CDH3: variants seen among roughly 807,000 people sequenced by gnomAD.
CDH3 encodes cadherin 3, also known as cadherin-3.
A neutral mutation model predicts 82.0 loss-of-function variants in CDH3; 54 were observed. The ratio of observed to expected loss-of-function variants is 0.66; its 90% CI spans 0.53 to 0.83. CDH3 has a LOEUF of 0.83. Ranked by LOEUF, CDH3 falls within the 40% of genes least tolerant of loss-of-function variation. CDH3 has a pLI of 0.00. For missense variants in CDH3, 1,054 were observed against 1,084.6 expected, an observed-to-expected ratio of 0.97 and a Z score of 0.40; for synonymous variants, 446 against 437.9, an observed-to-expected ratio of 1.02 and a Z score of -0.23.
chr16:68,646,398 C>G (rs1484917204), intron 2 of CDH3, among the ~76,000 whole-genome samples: 1 of 152,072 alleles, frequency 6.6e-6, no homozygotes, highest in Non-Finnish European at 1.5e-5. Flanking sequence ...TGCTAGGTCA[C>G]TGGGGGGAGT....
intron 2 of CDH3, chr16:68,651,424 G>T: frequency 1.8e-6 from 1 of 547,168 alleles, no homozygotes; most frequent in Non-Finnish European, 3.7e-6. Flanking sequence ...ATACCCGACT[G>T]GCTTGCACAT....
At chr16:68,718,282 G>C (rs1371913432) in intron 1 of CDH3, among the ~76,000 whole-genome samples, 1 of 152,162 alleles carries the variant, frequency 6.6e-6, no homozygotes, top group African/African-American at 2.4e-5. Flanking sequence ...GGGATTACAG[G>C]TGTGAGCCAC....
intron 2 of CDH3, among the ~76,000 whole-genome samples, chr16:68,670,214 A>C: frequency 9.0e-6 from 1 of 111,052 alleles, no homozygotes; most frequent in African/African-American, 3.6e-5. Context: ...ACAGAGCAAG[A>C]CTCTGTCTCA....
chr16:68,730,210 G>T (rs1193940006), downstream of CDH3, among the ~76,000 whole-genome samples: 1 of 146,408 alleles, frequency 6.8e-6, no homozygotes. Context: ...TCCAGCCTGG[G>T]CAACAGAGAG....
chr16:68,718,453 G>A (rs1962119216), intron 1 of CDH3, among the ~76,000 whole-genome samples: 1 of 152,026 alleles, frequency 6.6e-6, no homozygotes, highest in African/African-American at 2.4e-5. Flanking sequence ...GCCGAGGCGG[G>A]TGGATCATCT....
chr16:68,722,673 A>G (rs1962177523), intron 2 of CDH3: 1 of 152,236 alleles, frequency 6.6e-6, no homozygotes, highest in Non-Finnish European at 1.5e-5. Context: ...TAGCACTGAA[A>G]GTCTTACACC....
chr16:68,710,609 GC>G (rs1962014153), intron 1 of CDH3, among the ~76,000 whole-genome samples: 2 of 152,140 alleles, frequency 1.3e-5, no homozygotes, highest in Non-Finnish European at 2.9e-5. Flanking sequence ...TGTAATCCCA[GC>G]ACTTTGGAAG....
At chr16:68,704,043 T>C (rs940803695), downstream of CDH3, among the ~76,000 whole-genome samples, 2 of 151,964 alleles carry the variant, frequency 1.3e-5, no homozygotes, top group Non-Finnish European at 2.9e-5. Context: ...TCCCAGCAAT[T>C]TGGGAGGCCG....
chr16:68,656,658 C>T (rs1037408177), intron 2 of CDH3, among the ~76,000 whole-genome samples: 1 of 152,142 alleles, frequency 6.6e-6, no homozygotes, highest in Non-Finnish European at 1.5e-5. Context: ...ACAGGTGTGA[C>T]CCCCTAAGTA....
chr16:68,645,454 C>T (rs761891469), intron 1 of CDH3, 30 bp downstream of exon 1: 1 of 1,610,818 alleles, frequency 6.2e-7, no homozygotes, highest in South Asian at 1.1e-5. Context: ...TGGCCCCGAC[C>T]GGGACCGCTC....
chr16:68,707,589 C>A lies in CDH3; in HGVS notation c.99+11666C>A, dbSNP rs1961979866. Among the ~76,000 whole-genome samples the A allele has an allele frequency of 1.3e-5, 2 of 152,094 alleles. No individual in the cohort carries two copies. Among genetic ancestry groups the A allele is most frequent in the South Asian group, 4.2e-4 (2 of 4,810 alleles). ...TAGGGCGGTGGCTAAGACAGCAGCC[C>A]CTAAAGGCTGCAGATGTGGGAGTGA... On this transcript the variant is annotated intron_variant, in intron 1 of 2. Coordinates refer to the CDH3 transcript ENST00000569080. This position sits in a 1 kb window ranked among gnomAD's most constrained non-coding sequence, Gnocchi z 4.5.
rs528765324 is a variant in CDH3, at chr16:68,654,825, C to T, written c.160+9075C>T. Among the ~76,000 whole-genome samples the T allele has an allele frequency of 7.6e-4, 115 of 150,822 alleles. No homozygotes were observed. The Middle Eastern group carries it at 0.01, about 14-fold the overall frequency. On this transcript the variant is annotated intron_variant, in intron 2 of 15. Coordinates refer to ENST00000264012, the MANE Select transcript of CDH3 (RefSeq NM_001793.6). ...CCAAGGTGGGCGGATCACCTGAGGTCAGGAGTTCAAGACCAGCCTGGCCAA... is the reference window on the plus strand; with the variant it reads ...CCAAGGTGGGCGGATCACCTGAGGTTAGGAGTTCAAGACCAGCCTGGCCAA...
rs571691705 is a variant in CDH3, at chr16:68,698,341, G to A, written c.2431G>A (p.Glu811Lys). 1.7e-5 allele frequency: 28 copies of A among 1,614,192 alleles called. No homozygotes were observed. The highest frequency in any genetic ancestry group is 8.8e-5 in the South Asian group (8 of 91,088). The change falls in exon 16 of 16, where the codon GAG (glutamate) becomes AAG (lysine). Residue 811 changes from glutamate (E) to lysine (K), a missense_variant. Physicochemically the swap from Glu to Lys is moderately conservative, Grantham distance 56. Transcript: ENST00000264012. ...AGACCAAGATTACGATTATCTGAAC[G>A]AGTGGGGCAGCCGCTTCAAGAAGCT... ...DQDQDYDYLN[E>K]WGSRFKKLAD...
chr16:68,661,835 C>G lies in CDH3; in HGVS notation c.161-14550C>G, dbSNP rs140245494. Among the ~76,000 whole-genome samples the G allele has an allele frequency of 2.4e-3, 361 of 152,288 alleles. 2 individuals carry two copies. Among genetic ancestry groups the G allele is most frequent in the African/African-American group, 7.8e-3 (325 of 41,570 alleles). ...TCCCAAGTAGCTGGAATTATAGGCA[C>G]CTGCCAGCACACCTGGCTAATTTTT... On this transcript the variant is annotated intron_variant, in intron 2 of 15. Transcript: ENST00000264012.
chr16:68,703,062 T>C (rs181748724), downstream of CDH3, among the ~76,000 whole-genome samples: 514 of 152,270 alleles, frequency 3.4e-3, 3 homozygotes, highest in African/African-American at 0.012. Context: ...GCCCCTCCAG[T>C]GGGGACAGAG....
At chr16:68,647,551 TGGGTTATACAACAAAGGAC>T (rs1277671197) in intron 2 of CDH3, among the ~76,000 whole-genome samples, 1 of 152,156 alleles carries the variant, frequency 6.6e-6, no homozygotes, top group East Asian at 1.9e-4. Flanking sequence ...GGAGCACACC[TGGGTTATACAACAAAGGAC>T]GGGTTAATGC....
At chr16:68,685,492 CT>C (rs1025688175) in intron 11 of CDH3, 142 bp downstream of exon 11, 1 of 852,154 alleles carries the variant, frequency 1.2e-6, no homozygotes, top group African/African-American at 1.7e-5. Flanking sequence ...TCAAAGGGGT[CT>C]TTCAGAGGAG....
chr16:68,662,754 G>A (rs1446003145), intron 2 of CDH3, among the ~76,000 whole-genome samples: 1 of 151,102 alleles, frequency 6.6e-6, no homozygotes, highest in African/African-American at 2.4e-5. Context: ...CACCGCATTA[G>A]CCAGGATGGT....
intron 2 of CDH3, among the ~76,000 whole-genome samples, chr16:68,664,441 G>T (rs931663700): frequency 6.6e-6 from 1 of 152,216 alleles, no homozygotes; most frequent in Non-Finnish European, 1.5e-5. Flanking sequence ...GCAACAAACT[G>T]CTTTCCCCAG....
Sources: gnomAD v4.1 joint callset for allele counts (sites outside exome capture counted in the v4.1 genomes callset) on GRCh38, gnomAD v4.1.1 for gene constraint, Gnocchi (gnomAD v3.1) non-coding constraint, MANE v1.5 for transcripts, NCBI Gene and HGNC (gene_info 2026-07-23, HGNC 2026-07-21) for gene names.